Variants in ZC3H12B observed in about 807,000 individuals in gnomAD.
The protein encoded by ZC3H12B is probable ribonuclease ZC3H12B.
A neutral mutation model predicts 43.9 loss-of-function variants in ZC3H12B; 7 were observed. The ratio of observed to expected loss-of-function variants is 0.16; its 90% confidence interval spans 0.09 to 0.30. The LOEUF (loss-of-function observed/expected upper bound fraction) is 0.30, where lower values mean the gene tolerates loss of function less well. ZC3H12B is among the 10% of genes least tolerant of loss of function. ZC3H12B has a pLI of 1.00. For synonymous variants in ZC3H12B, 222 were observed against 241.7 expected (o/e 0.92, Z 0.76); for missense variants, 475 against 670.2 (o/e 0.71, Z 3.22).
intron 2 of ZC3H12B, among the ~76,000 whole-genome samples, chrX:65,385,255 A>T (rs766883016): frequency 2.7e-5 from 3 of 111,621 alleles, no homozygotes; most frequent in Non-Finnish European, 5.6e-5. Context: ...GGCCATTTTC[A>T]CGATTTTGAT....
the ZC3H12B span, among the ~76,000 whole-genome samples, chrX:65,244,200 C>T: frequency 1.8e-5 from 2 of 110,785 alleles, no homozygotes; most frequent in African/African-American, 3.3e-5. Flanking sequence ...GGTCATTATA[C>T]GTTGTATACT....
chrX:65,496,698 G>T (rs2148235629), intron 1 of ZC3H12B, among the ~76,000 whole-genome samples: 1 of 112,015 alleles, frequency 8.9e-6, no homozygotes, highest in East Asian at 2.8e-4. Context: ...GCTTATGCTT[G>T]TAATTCTAGC....
chrX:65,502,225 T>C, exon 5 of ZC3H12B: 1 of 1,211,395 alleles, frequency 8.3e-7, no homozygotes, highest in Middle Eastern at 2.3e-4. Context: ...CTTTGGAGCA[T>C]ATGGCCAGCA....
chrX:65,178,478 C>T, the ZC3H12B span, among the ~76,000 whole-genome samples: 1 of 112,231 alleles, frequency 8.9e-6, no homozygotes, highest in Non-Finnish European at 1.9e-5. Context: ...GAACAGGCAA[C>T]CTGCAGAATG....
At chrX:65,479,428 C>T (rs1463757987) in intron 3 of ZC3H12B, among the ~76,000 whole-genome samples, 3 of 106,123 alleles carry the variant, frequency 2.8e-5, no homozygotes, top group East Asian at 5.9e-4. Context: ...AGTGCAATGG[C>T]GCAGTCTCAG....
chrX:65,290,631 A>G, the ZC3H12B span, among the ~76,000 whole-genome samples: 1 of 111,610 alleles, frequency 9.0e-6, no homozygotes, highest in Non-Finnish European at 1.9e-5. Context: ...ATGAATGGGC[A>G]AAGAAAATAT....
chrX:65,206,993 A>C, the ZC3H12B span, among the ~76,000 whole-genome samples: 1 of 99,101 alleles, frequency 1.0e-5, no homozygotes, highest in African/African-American at 4.8e-5. Context: ...CATAATCAAA[A>C]AATCAAAAAA....
At chrX:65,499,829 T>C (rs2068341107) in intron 3 of ZC3H12B, 54 bp from the exon 9 acceptor site, 2 of 1,002,993 alleles carry the variant, frequency 2.0e-6, no homozygotes, top group East Asian at 3.0e-5. Flanking sequence ...GAACTCCTAG[T>C]AAGGAGTAGG....
the ZC3H12B span, among the ~76,000 whole-genome samples, chrX:65,089,893 G>A: frequency 9.0e-6 from 1 of 111,303 alleles, no homozygotes; most frequent in African/African-American, 3.3e-5. Flanking sequence ...CCACTGGAAG[G>A]TCTTCAGGGA....
chrX:65,459,333 G>C (rs977604336), intron 3 of ZC3H12B, among the ~76,000 whole-genome samples: 3 of 112,017 alleles, frequency 2.7e-5, no homozygotes, highest in Non-Finnish European at 3.8e-5. Flanking sequence ...TAGAAAAAGA[G>C]GGAATCCTCC....
chrX:65,164,434 G>T, the ZC3H12B span, among the ~76,000 whole-genome samples: 2 of 111,466 alleles, frequency 1.8e-5, no homozygotes, highest in Non-Finnish European at 3.8e-5. Flanking sequence ...GGAGCAATTA[G>T]GGAGGATATA....
chrX:65,386,733 A>G (rs1459275330), intron 2 of ZC3H12B, among the ~76,000 whole-genome samples: 1 of 110,074 alleles, frequency 9.1e-6, no homozygotes, highest in African/African-American at 3.3e-5. Context: ...TTTAATTGTG[A>G]TATTAGGGTG....
At chrX:65,121,109 C>A in the ZC3H12B span, among the ~76,000 whole-genome samples, 8 of 110,877 alleles carry the variant, frequency 7.2e-5, no homozygotes, top group East Asian at 2.8e-4. Flanking sequence ...GTCTAAAATT[C>A]TCTTTTTTGG....
chrX:65,314,758 T>C, the ZC3H12B span, among the ~76,000 whole-genome samples: 1 of 111,183 alleles, frequency 9.0e-6, no homozygotes, highest in Non-Finnish European at 1.9e-5. Flanking sequence ...TGTAGAGTAA[T>C]TTCCTTAGTG....
chrX:65,154,597 C>T, the ZC3H12B span, among the ~76,000 whole-genome samples: 5,062 of 111,984 alleles, frequency 0.045, 277 homozygotes, highest in African/African-American at 0.15. Flanking sequence ...GGCCGTGTGG[C>T]GGTTCATTTG....
intron 3 of ZC3H12B, chrX:65,469,562 C>A: frequency 3.7e-6 from 1 of 272,059 alleles, no homozygotes. Context: ...ACCATCTCGC[C>A]CATTGATGAC....
chrX:65,288,028 A>G, the ZC3H12B span, among the ~76,000 whole-genome samples: 1 of 109,144 alleles, frequency 9.2e-6, no homozygotes, highest in African/African-American at 3.3e-5. Flanking sequence ...ACTATTATGA[A>G]CAGCTACATG....
chrX:65,499,143 A>G (rs2068331051), exon 3 of ZC3H12B: 6 of 1,209,941 alleles, frequency 5.0e-6, no homozygotes, highest in East Asian at 3.0e-5. Context: ...ATTGTGTCCA[A>G]TGATAACTAC....
chrX:65,212,688 A>G, the ZC3H12B span, among the ~76,000 whole-genome samples: 1 of 91,487 alleles, frequency 1.1e-5, no homozygotes, highest in Non-Finnish European at 2.1e-5. Flanking sequence ...TATATATCAT[A>G]TATAAATATA....
Sources: gnomAD v4.1 joint callset for allele counts (sites outside exome capture counted in the v4.1 genomes callset) on GRCh38, gnomAD v4.1.1 for gene constraint, MANE v1.5 for transcripts, NCBI Gene and HGNC (gene_info 2026-07-23, HGNC 2026-07-21) for gene names.